The following KIF21A variants were observed in gnomAD, a reference collection of about 807,000 sequenced individuals.
KIF21A encodes the protein kinesin family member 21A.
KIF21A carries 114 observed loss-of-function variants against 202.9 expected under a neutral mutation model. The observed-to-expected ratio is 0.56, with a 90% CI of 0.48 to 0.66. KIF21A has a LOEUF of 0.66. Among genes scored for constraint, KIF21A ranks in the 30% least tolerant of loss-of-function variants. The probability of loss-of-function intolerance (pLI) is 0.00; values close to 1 mark genes in which losing one functional copy is unlikely to be tolerated. For missense variants in KIF21A, 1,677 were observed against 1,994.9 expected (o/e 0.84, Z 3.04); for synonymous variants, 667 against 670.8 (o/e 0.99, Z 0.09).
chr12:39,354,684 A>T (rs1948637977), intron 10 of KIF21A, among the ~76,000 whole-genome samples: 1 of 152,222 alleles, frequency 6.6e-6, no homozygotes, highest in South Asian at 2.1e-4. Context: ...AGAGCTGTGA[A>T]TAAATGTCTT....
intron 1 of KIF21A, 41 bp from the exon 2 acceptor site, chr12:39,370,302 G>A (rs1949865083): frequency 1.4e-6 from 2 of 1,460,488 alleles, no homozygotes; most frequent in South Asian, 1.2e-5. Flanking sequence ...AAAATAAATG[G>A]CAAAAAAAAA....
chr12:39,390,164 A>C (rs1003275329), intron 1 of KIF21A, among the ~76,000 whole-genome samples: 1 of 152,192 alleles, frequency 6.6e-6, no homozygotes, highest in Non-Finnish European at 1.5e-5. Flanking sequence ...TGAGAGAAGT[A>C]AGACTATGGA....
At chr12:39,302,868 A>G (rs529375016) in intron 36 of KIF21A, 97 bp downstream of exon 36, 4 of 1,054,432 alleles carry the variant, frequency 3.8e-6, no homozygotes, top group East Asian at 4.7e-5. Context: ...TTATCTGTAA[A>G]TGATAAAAAT....
intron 17 of KIF21A, among the ~76,000 whole-genome samples, chr12:39,335,786 C>A (rs1229769058): frequency 6.6e-6 from 1 of 151,998 alleles, no homozygotes; most frequent in Admixed American, 6.6e-5. Flanking sequence ...ATTTTAAATG[C>A]CCAGGAATTA....
At chr12:39,330,031 ACTT>A (rs928545561) in intron 24 of KIF21A, 4 of 475,590 alleles carry the variant, frequency 8.4e-6, no homozygotes, top group African/African-American at 7.9e-5. Context: ...ACAAAAGCAT[ACTT>A]CTTTAAACAT....
chr12:39,442,285 C>T lies in KIF21A; in HGVS notation c.44+642G>A, dbSNP rs948920486. ...GTAGACCTCTCCCCAGTGGATTTTACCTTAAATTCCACTCCCATTCCAACA... is the reference window on the plus strand; with the variant it reads ...GTAGACCTCTCCCCAGTGGATTTTATCTTAAATTCCACTCCCATTCCAACA... On this transcript the variant is annotated intron_variant, in intron 1 of 37. Coordinates refer to ENST00000361418, the MANE Select transcript of KIF21A (RefSeq NM_001173464.2). This position sits in a 1 kb window ranked among gnomAD's most constrained non-coding sequence, Gnocchi z 5.0. 6.6e-6 allele frequency among the ~76,000 whole-genome samples: 1 copy of T among 152,136 alleles called. No individual in the cohort carries two copies. The highest frequency in any genetic ancestry group is 2.4e-5 in the African/African-American group (1 of 41,428).
intron 4 of KIF21A, 113 bp from the exon 5 acceptor site, chr12:39,367,277 G>A: frequency 9.0e-7 from 1 of 1,110,184 alleles, no homozygotes; most frequent in South Asian, 1.3e-5. Context: ...TAAAAGATGT[G>A]GAATTTCACA....
Position 39,337,150 on chromosome 12 carries a change from CTCAG to C in KIF21A, c.2360_2363del (p.Thr787SerfsTer11). Reference sequence around the variant, plus strand: ...GAGCAATCTCTCTGTTTCTTCTAGACTCAGTCAGTCTGGCTTTCTCTTGTTCTTC... The same window carrying C: ...GAGCAATCTCTCTGTTTCTTCTAGACTCAGTCTGGCTTTCTCTTGTTCTTC... On this transcript the variant is annotated frameshift_variant, in exon 17 of 38. Coordinates refer to ENST00000361418, the MANE Select transcript of KIF21A (RefSeq NM_001173464.2). LOFTEE classifies it high-confidence loss of function. The C allele has an allele frequency of 1.2e-6, 2 of 1,612,724 alleles. No individual in the cohort carries two copies. Among genetic ancestry groups the C allele is most frequent in the Non-Finnish European group, 1.7e-6 (2 of 1,179,584 alleles).
At chr12:39,422,882 A>G (rs1954417600) in intron 1 of KIF21A, among the ~76,000 whole-genome samples, 1 of 152,184 alleles carries the variant, frequency 6.6e-6, no homozygotes, top group Admixed American at 6.5e-5. Context: ...TGCCATCAGC[A>G]GTATAGTGTG....
intron 1 of KIF21A, among the ~76,000 whole-genome samples, chr12:39,409,294 A>G (rs1486928880): frequency 6.6e-6 from 1 of 151,534 alleles, no homozygotes; most frequent in Non-Finnish European, 1.5e-5. Context: ...CTGAGTTGGG[A>G]GGATTGCTTG....
chr12:39,348,126 T>C (rs1185025253), intron 11 of KIF21A, among the ~76,000 whole-genome samples: 1 of 152,056 alleles, frequency 6.6e-6, no homozygotes, highest in South Asian at 2.1e-4. Context: ...CCTCCTAAAT[T>C]GCCTTTTTAA....
rs1946634018 is a variant in KIF21A at position 39,332,915 on chromosome 12, T to C, written c.2680A>G (p.Thr894Ala). Residue 894 changes from threonine (T) to alanine (A), a missense_variant, in exon 19 of 38, where the codon ACG becomes GCG. Thr to Ala is a moderately conservative substitution (Grantham distance 58). Coordinates refer to ENST00000361418, the MANE Select transcript of KIF21A (RefSeq NM_001173464.2). The stretch of plus-strand genomic sequence containing the variant: ...GACCTGTTTCCATTTGTTGCCGGCG[T>C]TGGTAAGGCCTGGACTCTCGCCACA... The part of the protein sequence containing the change: ...IPVARVQALP[T>A]PATNGNRKKY... 1 of 1,613,776 alleles carries C rather than the reference T, an allele frequency of 6.2e-7. No homozygotes were observed. The highest frequency in any genetic ancestry group is 1.1e-5 in the South Asian group (1 of 91,080).
chr12:39,308,157 C>G (rs1943656739), intron 33 of KIF21A, among the ~76,000 whole-genome samples: 1 of 151,918 alleles, frequency 6.6e-6, no homozygotes, highest in African/African-American at 2.4e-5. Flanking sequence ...CACCTGAGGT[C>G]AGGAGTTTGA....
chr12:39,436,225 CG>C (rs1286951040), intron 1 of KIF21A, among the ~76,000 whole-genome samples: 1 of 151,518 alleles, frequency 6.6e-6, no homozygotes, highest in Non-Finnish European at 1.5e-5. Context: ...TAGCAAAACA[CG>C]AAGTCCTAGA....
chr12:39,298,254 G>A (rs78314715), intron 37 of KIF21A, among the ~76,000 whole-genome samples: 19,351 of 152,084 alleles, frequency 0.13, 1,312 homozygotes, highest in African/African-American at 0.18. Context: ...TAGCTGAAGA[G>A]ACAAAACAAA....
rs749195583 is a variant in KIF21A at position 39,358,246 on chromosome 12, T to A, written c.1147A>T (p.Ser383Cys). The A allele has an allele frequency of 2.5e-6, 4 of 1,613,986 alleles. No individual in the cohort carries two copies. In the African/African-American group the frequency reaches 4.0e-5, roughly 16 times the overall value. ...CTACGAAGTGCATTGATTTGCTGAC[T>A]AGCTCTGTCCTGATTGACCATCACC... The part of the protein sequence containing the change: ...NKVMVNQDRA[S>C]QQINALRSEI... Residue 383 changes from serine to cysteine, a missense_variant, in exon 8 of 38, where the codon AGT becomes TGT. Coordinates refer to ENST00000361418, the MANE Select transcript of KIF21A (RefSeq NM_001173464.2).
At chr12:39,379,127 C>A (rs1040295743) in intron 1 of KIF21A, among the ~76,000 whole-genome samples, 1 of 151,950 alleles carries the variant, frequency 6.6e-6, no homozygotes, top group African/African-American at 2.4e-5. Context: ...GCCATGAGTT[C>A]GAGACCACCC....
At chr12:39,405,537 G>A (rs1407401700) in intron 1 of KIF21A, among the ~76,000 whole-genome samples, 2 of 152,032 alleles carry the variant, frequency 1.3e-5, no homozygotes, top group African/African-American at 4.8e-5. Context: ...CCATCTTACA[G>A]TAAAACTACA....
In KIF21A at chr12:39,351,980, C is replaced by T. The variant is rs776879898; in HGVS notation, c.1470G>A (p.Arg490=). 3.1e-6 allele frequency: 5 copies of T among 1,610,340 alleles called. No individual in the cohort carries two copies. Among genetic ancestry groups the T allele is most frequent in the Admixed American group, 3.3e-5 (2 of 59,868 alleles). ...CTGCTTCACTTTCTAATAATTTTGC[C>T]CTAGCAAATAAAAATATATTTAAAT... is the stretch of plus-strand genomic sequence containing the variant. The part of the protein sequence containing the change: ...HSYIKEIEDL[R]AKLLESEAVN... Residue 490 remains arginine, a splice_region_variant and synonymous_variant, in exon 11 of 38, where the codon AGG becomes AGA. Transcript: ENST00000361418.
Sources: gnomAD v4.1 joint callset for allele counts (sites outside exome capture counted in the v4.1 genomes callset) on GRCh38, gnomAD v4.1.1 for gene constraint, Gnocchi (gnomAD v3.1) non-coding constraint, MANE v1.5 for transcripts, NCBI Gene and HGNC (gene_info 2026-07-23, HGNC 2026-07-21) for gene names.